OPCML: variants seen among roughly 807,000 people sequenced by gnomAD.
OPCML encodes opioid binding protein/cell adhesion molecule like.
Under a neutral mutation model 37.8 loss-of-function variants are expected in OPCML, and 13 were observed. The observed-to-expected ratio is 0.34, with a 90% CI of 0.22 to 0.55. The LOEUF (loss-of-function observed/expected upper bound fraction) is 0.55. Among genes scored for constraint, OPCML ranks in the 20% least tolerant of loss-of-function variants. The pLI is 0.91. For missense variants in OPCML, 341 were observed against 435.6 expected, an observed-to-expected ratio of 0.78 and a Z score of 1.93; for synonymous variants, 176 against 168.8, an observed-to-expected ratio of 1.04 and a Z score of -0.33.
chr11:133,388,647 TATA>T (rs370918674), intron 1 of OPCML, among the ~76,000 whole-genome samples: 1 of 152,146 alleles, frequency 6.6e-6, no homozygotes, highest in African/African-American at 2.4e-5. Flanking sequence ...CTAGAGAGAG[TATA>T]ATGAGTTGTC....
At chr11:133,003,908 C>A in intron 1 of OPCML, 1 of 985,440 alleles carries the variant, frequency 1.0e-6, no homozygotes. Flanking sequence ...CCCGCCAATC[C>A]CGGTGGGGCT....
At chr11:132,550,062 C>A (rs2096377911) in intron 3 of OPCML, among the ~76,000 whole-genome samples, 1 of 152,128 alleles carries the variant, frequency 6.6e-6, no homozygotes, top group Non-Finnish European at 1.5e-5. Flanking sequence ...TTCTTTCTTG[C>A]ATGAGGTCCA....
intron 1 of OPCML, among the ~76,000 whole-genome samples, chr11:133,519,100 T>A (rs1948350112): frequency 6.6e-6 from 1 of 152,132 alleles, no homozygotes; most frequent in Non-Finnish European, 1.5e-5. Flanking sequence ...CTGACTCATC[T>A]TCTGCCTCCG....
chr11:133,495,847 G>A (rs757651005), intron 1 of OPCML, among the ~76,000 whole-genome samples: 2 of 151,958 alleles, frequency 1.3e-5, no homozygotes, highest in Non-Finnish European at 2.9e-5. Context: ...CCCCTCTGTG[G>A]GTTGTCTGTT....
intron 1 of OPCML, among the ~76,000 whole-genome samples, chr11:133,382,786 C>G (rs966962450): frequency 6.6e-6 from 1 of 152,140 alleles, no homozygotes; most frequent in African/African-American, 2.4e-5. Flanking sequence ...CCACCCAGCC[C>G]GACAAAGGAG....
chr11:132,890,801 G>A (rs1943613404), intron 2 of OPCML, among the ~76,000 whole-genome samples: 1 of 145,660 alleles, frequency 6.9e-6, no homozygotes, highest in African/African-American at 2.5e-5. Context: ...AGCTTGCAGT[G>A]AGCCGAGATC....
chr11:132,600,432 G>A (rs1481985295), intron 3 of OPCML, among the ~76,000 whole-genome samples: 1 of 152,204 alleles, frequency 6.6e-6, no homozygotes, highest in African/African-American at 2.4e-5. Flanking sequence ...TCCATGTGGA[G>A]TTTCCTTGCT....
intron 4 of OPCML, among the ~76,000 whole-genome samples, chr11:132,463,815 GTC>G (rs1050188978): frequency 2.0e-5 from 3 of 152,160 alleles, no homozygotes; most frequent in Admixed American, 6.5e-5. Context: ...GCTCCATAGT[GTC>G]TGAAATGCTG....
At chr11:132,957,054 C>T (rs924569010) in intron 1 of OPCML, among the ~76,000 whole-genome samples, 2 of 152,192 alleles carry the variant, frequency 1.3e-5, no homozygotes, top group African/African-American at 4.8e-5. Context: ...TCACTTGAGT[C>T]CAGGAGTTTG....
At chr11:132,694,362 C>A (rs192747618) in intron 2 of OPCML, among the ~76,000 whole-genome samples, 7 of 152,088 alleles carry the variant, frequency 4.6e-5, no homozygotes, top group African/African-American at 1.7e-4. Flanking sequence ...CCACGCCCGG[C>A]TAATTTTTTG....
intron 1 of OPCML, among the ~76,000 whole-genome samples, chr11:133,266,368 A>C (rs903284529): frequency 1.3e-5 from 2 of 151,996 alleles, no homozygotes; most frequent in Non-Finnish European, 2.9e-5. Flanking sequence ...AAGACCCCCA[A>C]TCTTTCATGA....
intron 1 of OPCML, among the ~76,000 whole-genome samples, chr11:133,226,744 A>C (rs1940055243): frequency 6.6e-6 from 1 of 152,202 alleles, no homozygotes; most frequent in Non-Finnish European, 1.5e-5. Context: ...AGGGCACAAA[A>C]GCCAATAAAG....
chr11:132,581,689 C>G (rs1266594692), intron 3 of OPCML, among the ~76,000 whole-genome samples: 1 of 152,058 alleles, frequency 6.6e-6, no homozygotes, highest in African/African-American at 2.4e-5. Context: ...TATGAATAAC[C>G]CTAACAGACA....
chr11:132,762,594 G>C (rs921954984), intron 2 of OPCML, among the ~76,000 whole-genome samples: 2 of 152,150 alleles, frequency 1.3e-5, no homozygotes, highest in Non-Finnish European at 2.9e-5. Context: ...CGAACTTCCT[G>C]GTGGCTTTGT....
At chr11:133,330,414 T>C (rs1194823254) in intron 1 of OPCML, among the ~76,000 whole-genome samples, 6 of 152,044 alleles carry the variant, frequency 3.9e-5, no homozygotes, top group African/African-American at 4.8e-5. Flanking sequence ...CTATTCACAA[T>C]AGCAAAGACT....
chr11:132,535,308 A>G (rs2096337605), intron 3 of OPCML, among the ~76,000 whole-genome samples: 2 of 152,182 alleles, frequency 1.3e-5, no homozygotes, highest in Non-Finnish European at 2.9e-5. Context: ...CATGTGTATG[A>G]AGAAATTGGC....
intron 1 of OPCML, among the ~76,000 whole-genome samples, chr11:132,963,306 G>A (rs1013947643): frequency 6.6e-6 from 1 of 151,838 alleles, no homozygotes; most frequent in Non-Finnish European, 1.5e-5. Context: ...AATACTGACA[G>A]GTGGGCTGGG....
chr11:133,508,496 A>G (rs1948086910), intron 1 of OPCML, among the ~76,000 whole-genome samples: 1 of 152,156 alleles, frequency 6.6e-6, no homozygotes, highest in African/African-American at 2.4e-5. Context: ...TGAGGGCCCC[A>G]TGCCCTTGAA....
intron 1 of OPCML, among the ~76,000 whole-genome samples, chr11:133,358,427 CT>C (rs1944339914): frequency 6.6e-6 from 1 of 152,184 alleles, no homozygotes; most frequent in South Asian, 2.1e-4. Flanking sequence ...TGACATAGGG[CT>C]TCATCATCAT....
Sources: allele counts gnomAD v4.1 joint callset (sites outside exome capture counted in the v4.1 genomes callset), GRCh38; gene constraint gnomAD v4.1.1; transcripts MANE v1.5; gene names NCBI Gene and HGNC (gene_info 2026-07-23, HGNC 2026-07-21).